Variants in DNAH9 observed in about 807,000 individuals in gnomAD.
The protein encoded by DNAH9 is dynein axonemal heavy chain 9.
In DNAH9, 345 loss-of-function variants were observed where a neutral mutation model predicts 471.6. The observed-to-expected ratio is 0.73, with a 90% CI of 0.67 to 0.80. The LOEUF (loss-of-function observed/expected upper bound fraction) is 0.80, where lower values mean the gene tolerates loss of function less well. Among genes scored for constraint, DNAH9 ranks in the 30% least tolerant of loss-of-function variants. The pLI is 0.00. For synonymous variants in DNAH9, 2,093 were observed against 2,123.6 expected (o/e 0.99, Z 0.40); for missense variants, 5,407 against 5,609.2 (o/e 0.96, Z 1.15).
chr17:11,640,435 C>A, intron 10 of DNAH9, 51 bp downstream of exon 10: 1 of 1,198,616 alleles, frequency 8.3e-7, no homozygotes, highest in Non-Finnish European at 1.2e-6. Context: ...GCTGTTCCTG[C>A]TCTAGAATCT....
At position 11,661,384 on chromosome 17, in the gene DNAH9, G is replaced by A. The variant is rs191023150; in HGVS notation, c.2596-3449G>A. ...TTATTTTTTTAAGTCTAACAACTCTGCCTATTAATTGGAATGCATAGACTG... is the reference window on the plus strand; with the variant it reads ...TTATTTTTTTAAGTCTAACAACTCTACCTATTAATTGGAATGCATAGACTG... On this transcript the variant is annotated intron_variant, in intron 14 of 68. Transcript: ENST00000262442. Among the ~76,000 whole-genome samples, 86 of 152,062 alleles carry A rather than the reference G, an allele frequency of 5.7e-4. 1 individual carries two copies. The highest frequency in any genetic ancestry group is 3.9e-3 in the South Asian group (19 of 4,816).
chr17:11,629,908 A>T (rs925792869), intron 7 of DNAH9, among the ~76,000 whole-genome samples: 8 of 152,130 alleles, frequency 5.3e-5, no homozygotes, highest in Admixed American at 2.6e-4. Context: ...TGTGGCTTCA[A>T]ACGTTTTAAG....
intron 15 of DNAH9, among the ~76,000 whole-genome samples, chr17:11,668,749 G>T (rs1330446318): frequency 6.6e-6 from 1 of 151,864 alleles, no homozygotes; most frequent in Non-Finnish European, 1.5e-5. Context: ...GAATGTGGAA[G>T]GGGAGTGGCT....
At position 11,909,410 on chromosome 17, in the gene DNAH9, GC is replaced by G. The variant is rs1973714793; in HGVS notation, c.11749+3606del. ...CCAGACTAGTAAGGACAGTCCCTATGCCCCCAAACCACGAGAGTTACTCAAA... is the reference window on the plus strand; with the variant it reads ...CCAGACTAGTAAGGACAGTCCCTATGCCCCAAACCACGAGAGTTACTCAAA... On this transcript the variant is annotated intron_variant, in intron 61 of 68. Transcript: ENST00000262442. Among the ~76,000 whole-genome samples the G allele has an allele frequency of 4.6e-5, 7 of 152,170 alleles. No individual in the cohort carries two copies. The Middle Eastern group carries it at 0.014, about 296-fold the overall frequency.
intron 28 of DNAH9, among the ~76,000 whole-genome samples, chr17:11,733,273 G>T (rs2075296507): frequency 1.3e-5 from 2 of 152,218 alleles, no homozygotes; most frequent in Admixed American, 1.3e-4. Flanking sequence ...ACGAGAAAAA[G>T]CCAAGATCCC....
chr17:11,766,911 G>A (rs1011411259), intron 36 of DNAH9, among the ~76,000 whole-genome samples: 2 of 151,758 alleles, frequency 1.3e-5, no homozygotes, highest in East Asian at 1.9e-4. Flanking sequence ...AGAGGTTGCC[G>A]TGAGCTGAGA....
intron 17 of DNAH9, among the ~76,000 whole-genome samples, chr17:11,674,613 G>T (rs2074022184): frequency 6.6e-6 from 1 of 151,692 alleles, no homozygotes; most frequent in African/African-American, 2.4e-5. Context: ...TGTATGTCTT[G>T]CAAATGGAGT....
At chr17:11,785,687 C>T (rs761111190) in intron 41 of DNAH9, among the ~76,000 whole-genome samples, 4 of 152,184 alleles carry the variant, frequency 2.6e-5, no homozygotes, top group Non-Finnish European at 5.9e-5. Flanking sequence ...AGCTCCCAAA[C>T]ATTAGCTCAT....
At chr17:11,769,468 C>T (rs1968112132) in intron 38 of DNAH9, 139 bp downstream of exon 38, 1 of 711,534 alleles carries the variant, frequency 1.4e-6, no homozygotes, top group Admixed American at 2.2e-5. Context: ...CCACACGCCC[C>T]TTCTCACCTC....
At chr17:11,716,783 G>A (rs1227924330) in intron 26 of DNAH9, among the ~76,000 whole-genome samples, 2 of 152,222 alleles carry the variant, frequency 1.3e-5, no homozygotes, top group Admixed American at 1.3e-4. Context: ...GGACAGCTAT[G>A]GGACAGAAAG....
At chr17:11,952,837 G>A (rs188505323) in intron 67 of DNAH9, among the ~76,000 whole-genome samples, 8 of 152,146 alleles carry the variant, frequency 5.3e-5, no homozygotes, top group Non-Finnish European at 1.0e-4. Context: ...TACCGTAGAC[G>A]GTGTGGCTTA....
intron 17 of DNAH9, among the ~76,000 whole-genome samples, chr17:11,675,720 A>G (rs2074038376): frequency 6.6e-6 from 1 of 152,174 alleles, no homozygotes. Flanking sequence ...CAAGATGTTA[A>G]AGTGGTGAAC....
rs143500222 is a variant in DNAH9, at chr17:11,957,942, T to C, written c.12844-3925T>C. ...ATCTCAAAATCGTAAGTTTAATTTT[T>C]TAAATCACCATACAAAACCTGCAGA... On this transcript the variant is annotated intron_variant, in intron 67 of 68. Coordinates refer to ENST00000262442, the MANE Select transcript of DNAH9 (RefSeq NM_001372.4). Among the ~76,000 whole-genome samples, 1,150 of 152,312 alleles carry C rather than the reference T, an allele frequency of 7.6e-3. 21 individuals are homozygous for C. The highest frequency in any genetic ancestry group is 0.026 in the African/African-American group (1,099 of 41,572).
intron 7 of DNAH9, among the ~76,000 whole-genome samples, chr17:11,631,994 T>G (rs764164912): frequency 6.6e-6 from 1 of 152,100 alleles, no homozygotes; most frequent in Non-Finnish European, 1.5e-5. Flanking sequence ...AAAAAAATTC[T>G]TGTTTACCTG....
chr17:11,775,095 C>A (rs1486911300), intron 38 of DNAH9, among the ~76,000 whole-genome samples: 1 of 152,110 alleles, frequency 6.6e-6, no homozygotes. Flanking sequence ...TTTGCATTTT[C>A]TAGAAATTTA....
intron 19 of DNAH9, among the ~76,000 whole-genome samples, chr17:11,688,106 A>AAAAAG (rs2074271517): frequency 6.7e-6 from 1 of 148,532 alleles, no homozygotes. Flanking sequence ...AAAAAGAAAA[A>AAAAAG]GCCATCTGCC....
chr17:11,923,836 C>T lies in DNAH9; in HGVS notation c.11772C>T (p.Phe3924=). 6.2e-7 allele frequency: 1 copy of T among 1,614,026 alleles called. No individual in the cohort carries two copies. Among genetic ancestry groups the T allele is most frequent in the Non-Finnish European group, 8.5e-7 (1 of 1,179,956 alleles). The change falls in exon 62 of 69, where the codon TTC becomes TTT. Residue 3924 remains phenylalanine, a synonymous_variant. Coordinates refer to ENST00000262442, the MANE Select transcript of DNAH9 (RefSeq NM_001372.4). ...TAGGAAGAAAACTTGGATACACCTTCAACAATCAGAACTTTCACAACGTGT... is the reference window on the plus strand; with the variant it reads ...TAGGAAGAAAACTTGGATACACCTTTAACAATCAGAACTTTCACAACGTGT... ...ESQGRKLGYT[F]NNQNFHNVSL... is the part of the protein sequence containing the mutation.
At chr17:11,757,465 CAG>C (rs1057154378) in intron 34 of DNAH9, 78 bp from the exon 35 acceptor site, 51 of 1,305,392 alleles carry the variant, frequency 3.9e-5, no homozygotes, top group Non-Finnish European at 5.4e-5. Context: ...ATTTTCCAAA[CAG>C]AGAAAATAAC....
intron 68 of DNAH9, among the ~76,000 whole-genome samples, chr17:11,965,135 T>C (rs1252051735): frequency 6.6e-6 from 1 of 152,226 alleles, no homozygotes; most frequent in Non-Finnish European, 1.5e-5. Flanking sequence ...CCTGGAAATC[T>C]AGGCCATGCC....
Sources: allele counts gnomAD v4.1 joint callset (sites outside exome capture counted in the v4.1 genomes callset), GRCh38; gene constraint gnomAD v4.1.1; transcripts MANE v1.5; gene names NCBI Gene and HGNC (gene_info 2026-07-23, HGNC 2026-07-21).